The following XKR5 variants were observed in gnomAD, a reference collection of about 807,000 sequenced individuals.
XKR5 encodes XK related 5.
Under a neutral mutation model 40.8 loss-of-function variants are expected in XKR5, and 46 were observed. The observed-to-expected ratio is 1.13, with a 90% CI of 0.89 to 1.44. The LOEUF is 1.44. Among genes scored for constraint, XKR5 ranks in the 40% most tolerant of loss-of-function variants. The pLI, the probability that XKR5 is intolerant of heterozygous loss-of-function variation, is 0.00. For missense variants in XKR5, 1,169 were observed against 844.7 expected (o/e 1.38, Z -4.76); for synonymous variants, 466 against 356.1 (o/e 1.31, Z -3.48).
chr8:6,821,982 C>T lies in XKR5; in HGVS notation c.694G>A (p.Asp232Asn), dbSNP rs202157287. The change falls in exon 5 of 7, where the codon GAC becomes AAC. Residue 232 changes from aspartate to asparagine, a missense_variant. Transcript: ENST00000618742. Reference protein sequence around the residue: ...WLVAQQSDIIDSTCHWRLFNL... With the variant: ...WLVAQQSDIINSTCHWRLFNL... Reference sequence around the variant, plus strand: ...AACAGCCTCCAGTGGCAGGTGCTGTCGATGATGTCACTCTGCTGGGCGACA... The same window carrying T: ...AACAGCCTCCAGTGGCAGGTGCTGTTGATGATGTCACTCTGCTGGGCGACA... 9.6e-5 allele frequency: 154 copies of T among 1,606,882 alleles called. No homozygotes were observed. In the African/African-American group the frequency reaches 1.0e-3, roughly 11 times the overall value.
intron 5 of XKR5, among the ~76,000 whole-genome samples, chr8:6,819,503 G>T (rs1804126357): frequency 6.6e-6 from 1 of 152,210 alleles, no homozygotes; most frequent in Non-Finnish European, 1.5e-5. Flanking sequence ...GTTTAGCTGG[G>T]GGTGTTGAGG....
chr8:6,834,078 TG>T (rs1465536954), intron 1 of XKR5, among the ~76,000 whole-genome samples: 1 of 152,144 alleles, frequency 6.6e-6, no homozygotes, highest in Non-Finnish European at 1.5e-5. Context: ...TACTTTCACA[TG>T]GGGAACTCCC....
intron 1 of XKR5, among the ~76,000 whole-genome samples, chr8:6,833,793 C>G (rs1337450593): frequency 6.6e-6 from 1 of 152,218 alleles, no homozygotes; most frequent in Non-Finnish European, 1.5e-5. Context: ...AGGCTGGGAG[C>G]CAGCAGAGCC....
intron 5 of XKR5, among the ~76,000 whole-genome samples, chr8:6,821,613 G>C (rs760372393): frequency 9.2e-5 from 14 of 152,186 alleles, no homozygotes; most frequent in Non-Finnish European, 1.9e-4. Flanking sequence ...ATGTAGAGAA[G>C]ACATCACCAA....
intron 5 of XKR5, among the ~76,000 whole-genome samples, chr8:6,816,885 A>G (rs1369379194): frequency 6.6e-6 from 1 of 152,068 alleles, no homozygotes. Flanking sequence ...AAATTCAAAT[A>G]AGGAGAGAAA....
intron 2 of XKR5, among the ~76,000 whole-genome samples, chr8:6,832,014 C>CAAAAAA (rs34490284): frequency 3.5e-4 from 16 of 45,086 alleles, no homozygotes; most frequent in African/African-American, 4.5e-4. Context: ...GACTCCATCT[C>CAAAAAA]AAAAAAAAAA....
intron 5 of XKR5, among the ~76,000 whole-genome samples, chr8:6,817,953 T>A (rs1804038063): frequency 6.6e-6 from 1 of 152,174 alleles, no homozygotes; most frequent in Admixed American, 6.5e-5. Context: ...GATCCCACTT[T>A]CCTGCTTTTT....
chr8:6,835,190 G>C (rs900447566), intron 1 of XKR5, among the ~76,000 whole-genome samples: 11 of 130,876 alleles, frequency 8.4e-5, no homozygotes, highest in Non-Finnish European at 8.4e-5. Context: ...CGGGAGGGGG[G>C]GGAACCGAGC....
intron 2 of XKR5, among the ~76,000 whole-genome samples, chr8:6,828,159 G>C (rs964532768): frequency 3.9e-5 from 6 of 152,174 alleles, no homozygotes; most frequent in Admixed American, 3.3e-4. Flanking sequence ...AATGCGAAAA[G>C]CTTCAAGAGG....
rs969748685 is a variant in XKR5 at position 6,828,760 on chromosome 8, C to T, written c.243-3411G>A. Among the ~76,000 whole-genome samples, 5 of 152,350 alleles carry T rather than the reference C, an allele frequency of 3.3e-5. No homozygotes were observed. In the East Asian group the frequency reaches 9.6e-4, roughly 29 times the overall value. On this transcript the variant is annotated intron_variant, in intron 2 of 6. Transcript: ENST00000618742. ...CCCTGGTGCCATCTGTCTACAGGCT[C>T]ATTTGCCCATATTATTCCTTTGCTC... is the stretch of plus-strand genomic sequence containing the variant.
chr8:6,831,205 C>T (rs147502560), intron 2 of XKR5, among the ~76,000 whole-genome samples: 458 of 152,102 alleles, frequency 3.0e-3, no homozygotes, highest in Non-Finnish European at 4.5e-3. Flanking sequence ...GGGAAGGAGA[C>T]GACAATGGCA....
chr8:6,835,392 T>C (rs1404605729), intron 1 of XKR5, 44 bp downstream of exon 1: 1 of 1,392,610 alleles, frequency 7.2e-7, no homozygotes, highest in Non-Finnish European at 9.3e-7. Flanking sequence ...GGGGTGGGGT[T>C]AGGGGCTGCA....
intron 2 of XKR5, among the ~76,000 whole-genome samples, chr8:6,832,257 T>TG (rs145507960): frequency 0.032 from 4,900 of 152,258 alleles, 256 homozygotes; most frequent in African/African-American, 0.11. Flanking sequence ...AAACTAGCCC[T>TG]GGCATCCAAA....
intron 4 of XKR5, among the ~76,000 whole-genome samples, chr8:6,822,765 A>G (rs904925465): frequency 4.6e-5 from 7 of 152,108 alleles, no homozygotes; most frequent in South Asian, 4.2e-4. Context: ...AGCCAGATAG[A>G]CTCTCTGTCA....
intron 2 of XKR5, among the ~76,000 whole-genome samples, chr8:6,831,383 C>T (rs1804755819): frequency 6.6e-6 from 1 of 152,154 alleles, no homozygotes; most frequent in Non-Finnish European, 1.5e-5. Flanking sequence ...GCTTTCGGTG[C>T]TGTTAGAGGT....
At position 6,822,952 on chromosome 8, in the gene XKR5, G is replaced by A. The variant is rs142537339; in HGVS notation, c.637+569C>T. The stretch of plus-strand genomic sequence containing the variant: ...ACTGTATATTTTTATATCAGGTGAG[G>A]CAAGTGGGACCTTGTACCTCCCTCC... On this transcript the variant is annotated intron_variant, in intron 4 of 6. Transcript: ENST00000618742. 6.6e-5 allele frequency among the ~76,000 whole-genome samples: 10 copies of A among 152,310 alleles called. No homozygotes were observed. The East Asian group carries it at 1.9e-3, about 29-fold the overall frequency.
intron 2 of XKR5, among the ~76,000 whole-genome samples, chr8:6,827,530 A>G (rs1350083700): frequency 1.3e-5 from 2 of 152,192 alleles, no homozygotes; most frequent in African/African-American, 2.4e-5. Flanking sequence ...TCTAAGAAAA[A>G]CAACTTTCCT....
intron 2 of XKR5, among the ~76,000 whole-genome samples, chr8:6,827,874 C>G (rs1433299098): frequency 6.6e-6 from 1 of 152,014 alleles, no homozygotes; most frequent in East Asian, 1.9e-4. Flanking sequence ...GAGACCAGCC[C>G]TGGCAACATA....
At chr8:6,814,273 G>A (rs764892129) in intron 6 of XKR5, among the ~76,000 whole-genome samples, 5 of 152,182 alleles carry the variant, frequency 3.3e-5, no homozygotes, top group Non-Finnish European at 7.3e-5. Flanking sequence ...GATGAAACAA[G>A]CTGTGGTCCG....
Sources: allele counts gnomAD v4.1 joint callset (sites outside exome capture counted in the v4.1 genomes callset), GRCh38; gene constraint gnomAD v4.1.1; transcripts MANE v1.5; gene names NCBI Gene and HGNC (gene_info 2026-07-23, HGNC 2026-07-21).